The following RAC1 variants were observed in gnomAD, a reference collection of about 807,000 sequenced individuals.
The protein encoded by RAC1 is ras-related C3 botulinum toxin substrate 1.
A neutral mutation model predicts 25.2 loss-of-function variants in RAC1; 2 were observed. That is an observed-to-expected ratio of 0.08 (90% confidence interval 0.03 to 0.25). The LOEUF is 0.25. RAC1 is among the 10% of genes least tolerant of loss of function. RAC1 has a pLI of 1.00. For missense variants in RAC1, 50 were observed against 235.7 expected, an observed-to-expected ratio of 0.21 and a Z score of 5.16; for synonymous variants, 88 against 94.0, an observed-to-expected ratio of 0.94 and a Z score of 0.37.
At chr7:6,391,675 G>A (rs1783097173) in intron 2 of RAC1, 1 of 480,174 alleles carries the variant, frequency 2.1e-6, no homozygotes, top group Non-Finnish European at 3.6e-6. Context: ...ATTTCTGACG[G>A]TGATTTGTTT....
intron 3 of RAC1, among the ~76,000 whole-genome samples, chr7:6,399,085 GGTGTCCC>G (rs34295043): frequency 0.036 from 5,410 of 152,222 alleles, 139 homozygotes; most frequent in Middle Eastern, 0.061. Context: ...TCTCCGCTTG[GGTGTCCC>G]GTGTGGTGGG....
intron 1 of RAC1, among the ~76,000 whole-genome samples, chr7:6,376,217 C>T (rs533592828): frequency 1.5e-3 from 173 of 111,738 alleles, no homozygotes; most frequent in African/African-American, 5.8e-3. Context: ...GAGTTTCACT[C>T]TGTTGCCCAG....
At chr7:6,387,336 C>G (rs553068874) in intron 2 of RAC1, 53 bp downstream of exon 2, 1 of 1,280,372 alleles carries the variant, frequency 7.8e-7, no homozygotes. Flanking sequence ...TTTCACATTT[C>G]TTTGACCATT....
At position 6,401,680 on chromosome 7, in the gene RAC1, A is replaced by G. The variant is rs1583271359; in HGVS notation, c.289-188A>G. On this transcript the variant is annotated intron_variant, in intron 4 of 5. Transcript: ENST00000348035. ...CATGATCCGGGAGTCCTAGCTTGCTAATGGAACACCTGAGATGTTCCTTAT... is the reference window on the plus strand; with the variant it reads ...CATGATCCGGGAGTCCTAGCTTGCTGATGGAACACCTGAGATGTTCCTTAT... The G allele has an allele frequency of 1.2e-5, 6 of 508,084 alleles. No homozygotes were observed. The East Asian group carries it at 1.7e-4, about 14-fold the overall frequency. The allele number at this position is 508,084 out of a possible 1,614,324, so 31.5% of individuals were successfully genotyped here.
chr7:6,401,143 A>T (rs1189101277), intron 4 of RAC1, among the ~76,000 whole-genome samples: 1 of 151,976 alleles, frequency 6.6e-6, no homozygotes, highest in East Asian at 1.9e-4. Context: ...TTTAGTAGAG[A>T]CGGGGTTTCA....
chr7:6,374,791 G>A, intron 1 of RAC1, 21 bp downstream of exon 1: 1 of 1,120,080 alleles, frequency 8.9e-7, no homozygotes, highest in Non-Finnish European at 1.1e-6. Context: ...GGCCGGGGCC[G>A]GGCTGGAGGC....
chr7:6,401,146 G>A (rs1207624727), intron 4 of RAC1, among the ~76,000 whole-genome samples: 1 of 150,772 alleles, frequency 6.6e-6, no homozygotes, highest in Non-Finnish European at 1.5e-5. Context: ...AGTAGAGACG[G>A]GGTTTCACCA....
Position 6,402,536 on chromosome 7 carries a change from A to ACC in RAC1, c.*90_*91insCC. 1.1e-6 allele frequency: 1 copy of ACC among 947,916 alleles called. No homozygotes were observed. The highest frequency in any genetic ancestry group is 1.3e-6 in the Non-Finnish European group (1 of 748,832). 58.7% of individuals were successfully genotyped at this position (947,916 alleles called of 1,614,324 possible). A position where few individuals can be genotyped will look rare whatever the true frequency, so the allele number is the denominator to read the frequency against. On this transcript the variant is annotated 3_prime_UTR_variant, in exon 6 of 6. Coordinates refer to ENST00000348035, the MANE Select transcript of RAC1 (RefSeq NM_006908.5). ...ACAAAAAAAAAAAACAAAAAAAAAA[A>ACC]ACAACGGTGGAGCCTTCGCACTCAA...
chr7:6,388,068 G>A (rs2115194352), intron 2 of RAC1, among the ~76,000 whole-genome samples: 1 of 152,268 alleles, frequency 6.6e-6, no homozygotes, highest in Non-Finnish European at 1.5e-5. Context: ...TGTTGAAGGG[G>A]GAATGGGAGG....
At chr7:6,390,997 A>G (rs897358698) in intron 2 of RAC1, among the ~76,000 whole-genome samples, 1 of 152,086 alleles carries the variant, frequency 6.6e-6, no homozygotes, top group East Asian at 1.9e-4. Context: ...CCCGGGTTCA[A>G]GCGATTCTCT....
At chr7:6,391,602 A>C in intron 2 of RAC1, 1 of 318,708 alleles carries the variant, frequency 3.1e-6, no homozygotes, top group Non-Finnish European at 5.9e-6. Flanking sequence ...AAGCGGGGCT[A>C]ATTGTACCCT....
intron 2 of RAC1, among the ~76,000 whole-genome samples, chr7:6,390,225 G>A (rs1313981102): frequency 6.8e-6 from 1 of 147,904 alleles, no homozygotes; most frequent in Admixed American, 7.0e-5. Context: ...GGAACGTTTT[G>A]TAAATAATCC....
intron 4 of RAC1, 198 bp from the exon 5 acceptor site, chr7:6,401,670 C>G (rs1783406909): frequency 2.1e-6 from 1 of 485,176 alleles, no homozygotes. Flanking sequence ...TCCGGGAGTC[C>G]TAGCTTGCTA....
At chr7:6,392,080 T>G (rs758918921) in intron 3 of RAC1, 39 bp downstream of exon 3, 2 of 1,611,102 alleles carry the variant, frequency 1.2e-6, no homozygotes, top group Non-Finnish European at 1.7e-6. Context: ...TCTTTTAGAG[T>G]ATATAATTCT....
intron 5 of RAC1, 43 bp downstream of exon 5, chr7:6,402,070 T>C (rs536351168): frequency 6.3e-7 from 1 of 1,589,490 alleles, no homozygotes; most frequent in South Asian, 1.1e-5. Flanking sequence ...ACCTCTTTTA[T>C]TGTAGTGACA....
At chr7:6,380,017 G>C (rs1486372075) in intron 1 of RAC1, among the ~76,000 whole-genome samples, 1 of 152,222 alleles carries the variant, frequency 6.6e-6, no homozygotes, top group African/African-American at 2.4e-5. Context: ...GTGGAGTCCA[G>C]ATTGGGCTAG....
At chr7:6,395,395 G>A (rs35662145) in intron 3 of RAC1, among the ~76,000 whole-genome samples, 208 of 152,364 alleles carry the variant, frequency 1.4e-3, no homozygotes, top group Non-Finnish European at 1.9e-3. Context: ...TGTTACAAGT[G>A]CAGCCAGAGA....
At chr7:6,392,276 A>G (rs1393600536) in intron 3 of RAC1, among the ~76,000 whole-genome samples, 2 of 152,264 alleles carry the variant, frequency 1.3e-5, no homozygotes, top group East Asian at 1.9e-4. Flanking sequence ...TCTTCCATTT[A>G]GCTTTAGAAT....
At chr7:6,383,632 TTAG>T (rs1293841658) in intron 1 of RAC1, among the ~76,000 whole-genome samples, 2 of 152,066 alleles carry the variant, frequency 1.3e-5, no homozygotes, top group African/African-American at 4.8e-5. Flanking sequence ...TGCCTTTATA[TTAG>T]TAGTTTTGTT....
Sources: gnomAD v4.1 joint callset for allele counts (sites outside exome capture counted in the v4.1 genomes callset) on GRCh38, gnomAD v4.1.1 for gene constraint, MANE v1.5 for transcripts, NCBI Gene and HGNC (gene_info 2026-07-23, HGNC 2026-07-21) for gene names.